PHF14: variants seen among roughly 807,000 people sequenced by gnomAD.
PHF14 encodes the protein PHD finger protein 14.
PHF14 carries 55 observed loss-of-function variants against 117.9 expected under a neutral mutation model. That is an observed-to-expected ratio of 0.47 (90% confidence interval 0.38 to 0.58). The LOEUF is 0.58. Ranked by LOEUF, PHF14 falls within the 20% of genes least tolerant of loss-of-function variation. The pLI is 0.00. For synonymous variants in PHF14, 409 were observed against 368.6 expected, an observed-to-expected ratio of 1.11 and a Z score of -1.26; for missense variants, 978 against 1,122.2, an observed-to-expected ratio of 0.87 and a Z score of 1.84.
At chr7:11,131,838 T>G (rs942147146) in intron 17 of PHF14, among the ~76,000 whole-genome samples, 3 of 151,824 alleles carry the variant, frequency 2.0e-5, no homozygotes, top group Non-Finnish European at 4.4e-5. Flanking sequence ...TCTGTCTCTC[T>G]CTCTCATTCT....
At chr7:11,078,555 T>G (rs1046043197) in intron 16 of PHF14, among the ~76,000 whole-genome samples, 5 of 152,176 alleles carry the variant, frequency 3.3e-5, no homozygotes, top group African/African-American at 1.2e-4. Flanking sequence ...AATTTCATGA[T>G]TTTGTAATGC....
In PHF14 at chr7:10,976,819, C is replaced by A. The variant is rs556333559; in HGVS notation, c.112+1874C>A. ...ACACTAAAAATATTTACTTTCTGTTCCCTCTTGTAATATAATATCTAGTAT... is the reference window on the plus strand; with the variant it reads ...ACACTAAAAATATTTACTTTCTGTTACCTCTTGTAATATAATATCTAGTAT... On this transcript the variant is annotated intron_variant, in intron 2 of 17. Transcript: ENST00000634607. Among the ~76,000 whole-genome samples the A allele has an allele frequency of 2.0e-5, 3 of 149,606 alleles. No homozygotes were observed. In the Admixed American group the frequency reaches 2.0e-4, roughly 10 times the overall value.
chr7:11,000,761 G>A (rs185175677), intron 4 of PHF14, among the ~76,000 whole-genome samples: 303 of 152,178 alleles, frequency 2.0e-3, no homozygotes, highest in African/African-American at 7.1e-3. Context: ...TTGGATATCA[G>A]TTCTTTATCA....
rs1306054760 is a variant in PHF14 at position 10,982,586 on chromosome 7, A to C, written c.327A>C (p.Glu109Asp). 1.3e-6 allele frequency: 2 copies of C among 1,499,548 alleles called. No individual in the cohort carries two copies. The highest frequency in any genetic ancestry group is 2.5e-5 in the East Asian group (1 of 40,720). 92.9% of individuals were successfully genotyped at this position (1,499,548 alleles called of 1,614,324 possible). A position where few individuals can be genotyped will look rare whatever the true frequency, so the allele number is the denominator to read the frequency against. ...MEKKEEEENG[E>D]RPRKKKEKEK... ...AGAAGGAAGAAGAAGAAAATGGAGA[A>C]AGACCTAGAAAGAAAAAGGAGAAAG... The change falls in exon 3 of 18, where the codon GAA becomes GAC. Residue 109 changes from glutamate to aspartate, a missense_variant. Around this residue, in one of 7 missense-constraint regions of PHF14, gnomAD observed 414 missense variants for 376.4 expected, o/e 1.10. Transcript: ENST00000634607.
At chr7:11,022,795 T>G in intron 5 of PHF14, 73 bp from the exon 6 acceptor site, 1 of 762,514 alleles carries the variant, frequency 1.3e-6, no homozygotes, top group Non-Finnish European at 2.1e-6. Flanking sequence ...ATGGCAAGCG[T>G]TTTATATGTT....
chr7:11,045,805 G>A (rs1423372584), intron 13 of PHF14, among the ~76,000 whole-genome samples: 1 of 152,184 alleles, frequency 6.6e-6, no homozygotes, highest in Non-Finnish European at 1.5e-5. Context: ...CTGTTGAGAG[G>A]GAAGAGACCT....
chr7:11,056,162 G>A (rs76804313), intron 14 of PHF14, among the ~76,000 whole-genome samples: 1 of 152,280 alleles, frequency 6.6e-6, no homozygotes, highest in Non-Finnish European at 1.5e-5. Context: ...GATCTACTCT[G>A]TGGGTGTCCT....
chr7:10,981,637 A>G (rs1782047408), intron 2 of PHF14, among the ~76,000 whole-genome samples: 1 of 152,178 alleles, frequency 6.6e-6, no homozygotes, highest in Non-Finnish European at 1.5e-5. Context: ...AATTTCTTCC[A>G]TTCTAGAGCA....
At chr7:11,018,040 C>T (rs976136100) in intron 5 of PHF14, among the ~76,000 whole-genome samples, 4 of 152,036 alleles carry the variant, frequency 2.6e-5, no homozygotes, top group Non-Finnish European at 4.4e-5. Context: ...TATATATGTT[C>T]CTGGCACCTT....
At chr7:11,143,573 A>G (rs1788458367) in intron 17 of PHF14, among the ~76,000 whole-genome samples, 1 of 152,212 alleles carries the variant, frequency 6.6e-6, no homozygotes, top group Non-Finnish European at 1.5e-5. Context: ...AAATGCAGAA[A>G]AATAAAAGAT....
intron 17 of PHF14, among the ~76,000 whole-genome samples, chr7:11,148,925 T>C (rs1469374633): frequency 1.3e-5 from 2 of 152,248 alleles, no homozygotes; most frequent in Non-Finnish European, 2.9e-5. Flanking sequence ...TCTACTTTTA[T>C]TGTGTTATAA....
chr7:11,021,625 A>G (rs1449674345), intron 5 of PHF14, among the ~76,000 whole-genome samples: 1 of 152,160 alleles, frequency 6.6e-6, no homozygotes, highest in Non-Finnish European at 1.5e-5. Context: ...GAGTATAGCG[A>G]CATTTAATAC....
At chr7:11,111,125 T>C in intron 16 of PHF14, 1 of 409,200 alleles carries the variant, frequency 2.4e-6, no homozygotes, top group African/African-American at 2.1e-5. Context: ...ATATTTGTTT[T>C]GTTTGTTGAT....
At chr7:11,093,049 C>G (rs1398948055) in intron 16 of PHF14, among the ~76,000 whole-genome samples, 2 of 152,180 alleles carry the variant, frequency 1.3e-5, no homozygotes, top group African/African-American at 4.8e-5. Context: ...TCCTGCCAAG[C>G]AAAACTAGCT....
chr7:11,052,944 T>C (rs977200770), intron 14 of PHF14, among the ~76,000 whole-genome samples: 8 of 152,148 alleles, frequency 5.3e-5, no homozygotes, highest in African/African-American at 1.9e-4. Context: ...AAGTTTGGTG[T>C]GTATGTTTTC....
At chr7:11,110,612 G>A (rs1787413493) in intron 16 of PHF14, 2 of 647,182 alleles carry the variant, frequency 3.1e-6, no homozygotes, top group Non-Finnish European at 3.8e-6. Context: ...CAAAACATAA[G>A]TTTTTAAATG....
intron 17 of PHF14, among the ~76,000 whole-genome samples, chr7:11,162,748 C>A (rs984751995): frequency 2.1e-5 from 3 of 145,234 alleles, no homozygotes; most frequent in African/African-American, 7.8e-5. Flanking sequence ...GTCGCCCAGG[C>A]TGGAGTGCAT....
intron 4 of PHF14, chr7:11,006,461 A>G: frequency 1.9e-6 from 1 of 538,368 alleles, no homozygotes; most frequent in Admixed American, 1.9e-5. Context: ...AGTCGAACAT[A>G]TGCCTTCTTT....
At chr7:11,025,937 C>T (rs1228564202) in intron 6 of PHF14, among the ~76,000 whole-genome samples, 2 of 151,992 alleles carry the variant, frequency 1.3e-5, no homozygotes, top group African/African-American at 4.8e-5. Context: ...AGTGGCAAAA[C>T]CCTGTATCTA....
Sources: allele counts gnomAD v4.1 joint callset (sites outside exome capture counted in the v4.1 genomes callset), GRCh38; gene constraint gnomAD v4.1.1; regional missense constraint gnomAD v4.1.1; transcripts MANE v1.5; gene names NCBI Gene and HGNC (gene_info 2026-07-23, HGNC 2026-07-21).